BTG3: variants seen among roughly 807,000 people sequenced by gnomAD.
The protein encoded by BTG3 is protein BTG3.
A neutral mutation model predicts 25.8 loss-of-function variants in BTG3; 4 were observed. The observed-to-expected ratio is 0.16, with a 90% CI of 0.08 to 0.36. The LOEUF is 0.36. BTG3 is among the 10% of genes least tolerant of loss of function. BTG3 has a pLI of 1.00. For missense variants in BTG3, 201 were observed against 304.9 expected (o/e 0.66, Z 2.54); for synonymous variants, 107 against 99.9 (o/e 1.07, Z -0.42).
intron 4 of BTG3, among the ~76,000 whole-genome samples, chr21:17,595,210 T>C (rs2061489409): frequency 6.6e-6 from 1 of 152,058 alleles, no homozygotes; most frequent in Non-Finnish European, 1.5e-5. Context: ...AAAGTGTTCT[T>C]ATCAGCAGTT....
At position 17,594,178 on chromosome 21, in the gene BTG3, G is replaced by A; in HGVS notation, c.674C>T (p.Pro225Leu). Residue 225 changes from proline (P) to leucine (L), a missense_variant, in exon 5 of 5, where the codon CCA becomes CTA. Pro to Leu is a moderately conservative substitution (Grantham distance 98). Transcript: ENST00000348354. ...AGGAGGTACCCATGTCACTGGAATT[G>A]GGCGATATGGTTTATTTTTTCTTCC... ...NQGRKNKPYR[P>L]IPVTWVPPPG... is the part of the protein sequence containing the mutation. The A allele has an allele frequency of 6.2e-7, 1 of 1,613,302 alleles. No individual in the cohort carries two copies.
chr21:17,600,249 GCA>G (rs1382524913), intron 3 of BTG3, among the ~76,000 whole-genome samples: 1 of 151,990 alleles, frequency 6.6e-6, no homozygotes, highest in African/African-American at 2.4e-5. Context: ...TAAATAGATT[GCA>G]CAGTGTCAAC....
chr21:17,602,680 A>C (rs1312891650), intron 3 of BTG3, among the ~76,000 whole-genome samples: 1 of 152,230 alleles, frequency 6.6e-6, no homozygotes, highest in African/African-American at 2.4e-5. Context: ...ATAAATTAGA[A>C]GCCTACTGAA....
chr21:17,607,024 T>C (rs1237910422), intron 2 of BTG3, among the ~76,000 whole-genome samples: 3 of 152,198 alleles, frequency 2.0e-5, no homozygotes, highest in Admixed American at 1.3e-4. Flanking sequence ...ACACTCCACC[T>C]ATTCTACAGA....
chr21:17,601,759 T>A (rs1233419712), intron 3 of BTG3, among the ~76,000 whole-genome samples: 1 of 152,172 alleles, frequency 6.6e-6, no homozygotes, highest in Non-Finnish European at 1.5e-5. Flanking sequence ...GTTTTGCCCA[T>A]TAATGGAATC....
intron 1 of BTG3, chr21:17,611,751 T>TCCACAAGGCTCCTCTGCTCGCGGCTG (rs2061727860): frequency 6.6e-6 from 1 of 152,234 alleles, no homozygotes; most frequent in Non-Finnish European, 1.5e-5. Flanking sequence ...TCTACTTTGT[T>TCCACAAGGCTCCTCTGCTCGCGGCTG]CCACAAGGCT....
intron 4 of BTG3, among the ~76,000 whole-genome samples, chr21:17,598,034 G>A (rs1016885455): frequency 2.6e-5 from 4 of 152,112 alleles, no homozygotes; most frequent in Non-Finnish European, 4.4e-5. Flanking sequence ...TCCTGTTGAA[G>A]AATGCTGTTT....
intron 2 of BTG3, 173 bp downstream of exon 2, chr21:17,608,799 G>A (rs1218223605): frequency 1.7e-5 from 10 of 595,526 alleles, no homozygotes; most frequent in Non-Finnish European, 2.4e-5. Flanking sequence ...CCACCACTCC[G>A]CCAACAAATA....
At chr21:17,596,221 T>C (rs1265288165) in intron 4 of BTG3, among the ~76,000 whole-genome samples, 1 of 152,038 alleles carries the variant, frequency 6.6e-6, no homozygotes, top group Non-Finnish European at 1.5e-5. Context: ...TGAGAATATT[T>C]TGTCCTAGTC....
chr21:17,593,666 T>C lies in BTG3; in HGVS notation c.*427A>G, dbSNP rs966710564. 1 of 163,342 alleles carries C rather than the reference T, an allele frequency of 6.1e-6. No individual in the cohort carries two copies. The highest frequency in any genetic ancestry group is 1.8e-4 in the East Asian group (1 of 5,646). 10.1% of individuals were successfully genotyped at this position (163,342 alleles called of 1,614,324 possible). On this transcript the variant is annotated 3_prime_UTR_variant, in exon 5 of 5. Coordinates refer to ENST00000348354, the MANE Select transcript of BTG3 (RefSeq NM_006806.5). ...AAACACGCGTTGTCATGCCTCAAAC[T>C]ATTTTTTATTTGCAACTACATGATT...
chr21:17,602,332 A>G (rs1292148363), intron 3 of BTG3, among the ~76,000 whole-genome samples: 1 of 152,318 alleles, frequency 6.6e-6, no homozygotes, highest in Admixed American at 6.5e-5. Context: ...GTAAGTGAAG[A>G]CTATGAAGAA....
intron 3 of BTG3, among the ~76,000 whole-genome samples, chr21:17,603,912 G>C (rs976682234): frequency 6.6e-6 from 1 of 152,122 alleles, no homozygotes; most frequent in Non-Finnish European, 1.5e-5. Context: ...AATGTAATTT[G>C]CTTACTTTTC....
At chr21:17,612,229 T>C (rs928633080) in intron 1 of BTG3, 5 of 152,180 alleles carry the variant, frequency 3.3e-5, no homozygotes, top group African/African-American at 1.2e-4. Flanking sequence ...GACAACATCC[T>C]CGCCAGGGTG....
intron 3 of BTG3, among the ~76,000 whole-genome samples, 155 bp downstream of exon 3, chr21:17,604,705 C>T (rs1361242268): frequency 6.6e-6 from 1 of 152,214 alleles, no homozygotes; most frequent in Non-Finnish European, 1.5e-5. Flanking sequence ...CCTTCAACAT[C>T]ACCTCCAGAA....
chr21:17,610,752 A>G (rs979231970), intron 1 of BTG3, among the ~76,000 whole-genome samples: 3 of 152,232 alleles, frequency 2.0e-5, no homozygotes, highest in African/African-American at 7.2e-5. Flanking sequence ...AGCCTCTGCT[A>G]TGTTTAGCAT....
intron 2 of BTG3, among the ~76,000 whole-genome samples, chr21:17,606,679 A>G (rs2061647114): frequency 6.6e-6 from 1 of 152,094 alleles, no homozygotes; most frequent in African/African-American, 2.4e-5. Context: ...CATGTTTTGT[A>G]CTATTTTTTT....
chr21:17,606,936 C>G (rs1020710283), intron 2 of BTG3, among the ~76,000 whole-genome samples: 1 of 152,108 alleles, frequency 6.6e-6, no homozygotes, highest in Non-Finnish European at 1.5e-5. Flanking sequence ...GATAATATTG[C>G]CAAATTGCTC....
intron 3 of BTG3, among the ~76,000 whole-genome samples, chr21:17,599,666 G>A (rs2061548085): frequency 6.6e-6 from 1 of 152,064 alleles, no homozygotes; most frequent in African/African-American, 2.4e-5. Context: ...TTTTAGTAGA[G>A]ATGAGGTTTC....
intron 4 of BTG3, among the ~76,000 whole-genome samples, chr21:17,595,688 T>TA (rs775948576): frequency 1.3e-5 from 2 of 151,730 alleles, no homozygotes; most frequent in African/African-American, 2.4e-5. Flanking sequence ...CTCTTACTAT[T>TA]AAAAAAACAA....
Sources: gnomAD v4.1 joint callset for allele counts (sites outside exome capture counted in the v4.1 genomes callset) on GRCh38, gnomAD v4.1.1 for gene constraint, MANE v1.5 for transcripts, NCBI Gene and HGNC (gene_info 2026-07-23, HGNC 2026-07-21) for gene names.